TSNAX: variants seen among roughly 807,000 people sequenced by gnomAD.
TSNAX encodes the protein translin associated factor X, also known as translin-associated protein X.
A neutral mutation model predicts 33.0 loss-of-function variants in TSNAX; 12 were observed. That is an observed-to-expected ratio of 0.36 (90% CI 0.23 to 0.59). TSNAX has a LOEUF of 0.59. Ranked by LOEUF, TSNAX falls within the 20% of genes least tolerant of loss-of-function variation. The pLI is 0.74. For missense variants in TSNAX, 267 were observed against 341.3 expected (o/e 0.78, Z 1.72); for synonymous variants, 110 against 117.2 (o/e 0.94, Z 0.40).
Position 231,542,518 on chromosome 1 carries a change from A to T in TSNAX, c.274A>T (p.Ile92Phe), listed in dbSNP as rs369133346. ...GGAAGATATATTGACTGAATCAGAAATTAAATTGGATGGTGTCAGACAAAA... is the reference window on the plus strand; with the variant it reads ...GGAAGATATATTGACTGAATCAGAATTTAAATTGGATGGTGTCAGACAAAA... ...DMEDILTESE[I>F]KLDGVRQKIF... The change falls in exon 4 of 6, where the codon ATT (isoleucine) becomes TTT (phenylalanine). Residue 92 changes from isoleucine to phenylalanine, a missense_variant. Coordinates refer to ENST00000366639, the MANE Select transcript of TSNAX (RefSeq NM_005999.3). 4 of 1,614,074 alleles carry T rather than the reference A, an allele frequency of 2.5e-6. No homozygotes were observed. In the East Asian group the frequency reaches 8.9e-5, roughly 36 times the overall value.
intron 4 of TSNAX, among the ~76,000 whole-genome samples, chr1:231,555,410 G>A (rs1660624019): frequency 6.6e-6 from 1 of 152,014 alleles, no homozygotes; most frequent in South Asian, 2.1e-4. Flanking sequence ...GGGGAGGAGG[G>A]ATGGGGAGTT....
At chr1:231,560,756 T>TA (rs1252258154) in intron 4 of TSNAX, among the ~76,000 whole-genome samples, 1 of 151,806 alleles carries the variant, frequency 6.6e-6, no homozygotes. Context: ...CTTAAACTCT[T>TA]AAAAAAATTT....
At chr1:231,538,905 C>T (rs1234883524) in intron 3 of TSNAX, among the ~76,000 whole-genome samples, 3 of 148,630 alleles carry the variant, frequency 2.0e-5, no homozygotes, top group Middle Eastern at 3.4e-3. Context: ...GTACCCCAGC[C>T]TGGGCGACAG....
At chr1:231,540,020 A>G (rs934476573) in intron 3 of TSNAX, among the ~76,000 whole-genome samples, 8 of 152,050 alleles carry the variant, frequency 5.3e-5, no homozygotes, top group Non-Finnish European at 1.2e-4. Flanking sequence ...CCCTGTCTCT[A>G]CTGAAAATAT....
Position 231,534,023 on chromosome 1 carries a change from C to A in TSNAX, c.122-3190C>A, listed in dbSNP as rs184864667. On this transcript the variant is annotated intron_variant, in intron 2 of 5. Coordinates refer to ENST00000366639, the MANE Select transcript of TSNAX (RefSeq NM_005999.3). Reference sequence around the variant, plus strand: ...TAATCTAGAACAGGATCACATATTACATTGTAATGTCTCTTTTTAGTTTTC... The same window carrying A: ...TAATCTAGAACAGGATCACATATTAAATTGTAATGTCTCTTTTTAGTTTTC... 5.3e-5 allele frequency: 8 copies of A among 152,252 alleles called. No individual in the cohort carries two copies. In the East Asian group the frequency reaches 1.5e-3, roughly 29 times the overall value. 9.4% of individuals were successfully genotyped at this position (152,252 alleles called of 1,614,324 possible). A position where few individuals can be genotyped will look rare whatever the true frequency, so the allele number is the denominator to read the frequency against.
chr1:231,536,054 A>G (rs866904872), intron 2 of TSNAX: 1 of 152,298 alleles, frequency 6.6e-6, no homozygotes, highest in Middle Eastern at 3.4e-3. Context: ...CTAGATTTCT[A>G]ACATCCTGAC....
In TSNAX at chr1:231,564,744, G is replaced by C; in HGVS notation, c.712G>C (p.Glu238Gln). Residue 238 changes from glutamate to glutamine, a missense_variant, in exon 6 of 6, where the codon GAG becomes CAG. Around this residue, in one of 2 missense-constraint regions of TSNAX, gnomAD observed 67 missense variants for 127.2 expected, o/e 0.53. Coordinates refer to ENST00000366639, the MANE Select transcript of TSNAX (RefSeq NM_005999.3). ...ATTCATTGGCAACACTGGACCTTACGAGGTTTCTAAGAAGCTGTATACCTT... is the reference window on the plus strand; with the variant it reads ...ATTCATTGGCAACACTGGACCTTACCAGGTTTCTAAGAAGCTGTATACCTT... ...FSFIGNTGPY[E>Q]VSKKLYTLKQ... is the part of the protein sequence containing the mutation. 6.2e-7 allele frequency: 1 copy of C among 1,614,108 alleles called. No individual in the cohort carries two copies. Among genetic ancestry groups the C allele is most frequent in the South Asian group, 1.1e-5 (1 of 91,088 alleles).
chr1:231,546,846 C>T (rs1659949059), intron 4 of TSNAX, among the ~76,000 whole-genome samples: 1 of 152,102 alleles, frequency 6.6e-6, no homozygotes, highest in Admixed American at 6.5e-5. Flanking sequence ...GCCAGGGCAT[C>T]AACATAGAGC....
chr1:231,555,395 G>A (rs1460316332), intron 4 of TSNAX, among the ~76,000 whole-genome samples: 1 of 152,152 alleles, frequency 6.6e-6, no homozygotes, highest in Non-Finnish European at 1.5e-5. Context: ...GTTGGCAGGA[G>A]CTGAGGGGAG....
intron 4 of TSNAX, among the ~76,000 whole-genome samples, chr1:231,558,795 A>C (rs981053047): frequency 1.3e-5 from 2 of 152,182 alleles, no homozygotes; most frequent in African/African-American, 2.4e-5. Flanking sequence ...AATTATAAAT[A>C]TAAATGACAT....
intron 2 of TSNAX, chr1:231,534,603 A>C (rs1362060501): frequency 6.6e-6 from 1 of 152,212 alleles, no homozygotes; most frequent in Non-Finnish European, 1.5e-5. Flanking sequence ...AAGTAATAGC[A>C]GCAAAATAAT....
rs59803472 is a variant in TSNAX, at chr1:231,530,710, CAAA to C, written c.121+1367_121+1369del. On this transcript the variant is annotated intron_variant, in intron 2 of 5. Transcript: ENST00000366639. ...TGGGCAACAGAGCGAGGCTCCGTCT[CAAA>C]AAAAAAAAAAAAAAAGTACGAAAAA... Among the ~76,000 whole-genome samples the C allele has an allele frequency of 1.1e-4, 8 of 73,196 alleles. No homozygotes were observed. The East Asian group carries it at 1.7e-3, about 16-fold the overall frequency. 48.0% of individuals were successfully genotyped at this position (73,196 alleles called of 152,430 possible).
At chr1:231,539,138 A>G (rs189259561) in intron 3 of TSNAX, among the ~76,000 whole-genome samples, 20 of 152,248 alleles carry the variant, frequency 1.3e-4, no homozygotes, top group African/African-American at 4.8e-4. Flanking sequence ...TCATTCTTAG[A>G]TAGCTTGTAC....
chr1:231,528,966 C>T, intron 1 of TSNAX, 140 bp downstream of exon 1: 2 of 1,165,450 alleles, frequency 1.7e-6, no homozygotes, highest in South Asian at 2.6e-5. Context: ...GTTTCTCTCC[C>T]CGGCCAGATC....
chr1:231,537,709 C>T (rs1414342493), intron 3 of TSNAX, among the ~76,000 whole-genome samples: 1 of 147,776 alleles, frequency 6.8e-6, no homozygotes, highest in Admixed American at 6.8e-5. Flanking sequence ...CCACCGCACT[C>T]TAGCCTGGGC....
chr1:231,543,126 C>T (rs938695039), intron 4 of TSNAX, among the ~76,000 whole-genome samples: 17 of 150,112 alleles, frequency 1.1e-4, no homozygotes, highest in African/African-American at 2.9e-4. Flanking sequence ...TGCAGTGAGC[C>T]GAGATCGCAC....
At chr1:231,548,076 G>A (rs1660060494) in intron 4 of TSNAX, among the ~76,000 whole-genome samples, 1 of 149,296 alleles carries the variant, frequency 6.7e-6, no homozygotes, top group East Asian at 2.1e-4. Context: ...TCCGTGATCC[G>A]CCCGCCTTGG....
chr1:231,555,039 A>C (rs1660597265), intron 4 of TSNAX, among the ~76,000 whole-genome samples: 1 of 152,200 alleles, frequency 6.6e-6, no homozygotes. Flanking sequence ...ATTTTTAAAA[A>C]GTTTGTTGAG....
rs1296151265 is a variant in TSNAX, at chr1:231,561,105, A to G, written c.368-23A>G. On this transcript the variant is annotated intron_variant, in intron 4 of 5. Transcript: ENST00000366639. The stretch of plus-strand genomic sequence containing the variant: ...TACTAATTAAGTGCTTATTCTTAGT[A>G]ATTTTCTTTGTCACGCTTTCAGGAC... 3.1e-6 allele frequency: 5 copies of G among 1,600,702 alleles called. No homozygotes were observed. The African/African-American group carries it at 4.1e-5, about 13-fold the overall frequency.
Sources: allele counts gnomAD v4.1 joint callset (sites outside exome capture counted in the v4.1 genomes callset), GRCh38; gene constraint gnomAD v4.1.1; regional missense constraint gnomAD v4.1.1; transcripts MANE v1.5; gene names NCBI Gene and HGNC (gene_info 2026-07-23, HGNC 2026-07-21).